The following EPHA6 variants were observed in gnomAD, a reference collection of about 807,000 sequenced individuals.
EPHA6 encodes the protein EPH receptor A6.
Under a neutral mutation model 112.0 loss-of-function variants are expected in EPHA6, and 50 were observed. That is an observed-to-expected ratio of 0.45 (90% CI 0.36 to 0.56). The LOEUF (loss-of-function observed/expected upper bound fraction) is 0.56, where lower values mean the gene tolerates loss of function less well. EPHA6 is among the 20% of genes least tolerant of loss of function. The pLI is 0.00. For missense variants in EPHA6, 1,280 were observed against 1,417.4 expected (o/e 0.90, Z 1.56); for synonymous variants, 529 against 490.7 (o/e 1.08, Z -1.03).
At chr3:96,966,922 G>C (rs539416556) in intron 2 of EPHA6, among the ~76,000 whole-genome samples, 31 of 151,932 alleles carry the variant, frequency 2.0e-4, no homozygotes, top group South Asian at 6.2e-4. Context: ...GACTTCTAAC[G>C]TAAGCTTCTT....
At chr3:97,281,232 C>T (rs557383991) in intron 5 of EPHA6, among the ~76,000 whole-genome samples, 9,592 of 149,072 alleles carry the variant, frequency 0.064, 968 homozygotes, top group African/African-American at 0.22. Context: ...TGTGTGTGCG[C>T]GCGTGTGTGC....
At chr3:97,441,279 AG>A (rs1170114447) in intron 6 of EPHA6, 1 of 157,832 alleles carries the variant, frequency 6.3e-6, no homozygotes, top group Non-Finnish European at 1.4e-5. Context: ...GTTAACAGGA[AG>A]GGTTTATCTT....
intron 10 of EPHA6, among the ~76,000 whole-genome samples, chr3:97,509,952 A>T (rs1168247878): frequency 6.6e-6 from 1 of 151,952 alleles, no homozygotes; most frequent in Non-Finnish European, 1.5e-5. Context: ...TTAATCTCTG[A>T]TATCTTTTCT....
At chr3:97,742,351 T>C (rs1023048758) in intron 16 of EPHA6, among the ~76,000 whole-genome samples, 1 of 152,130 alleles carries the variant, frequency 6.6e-6, no homozygotes, top group African/African-American at 2.4e-5. Context: ...TCTATTACTC[T>C]GGCCGTAGGA....
intron 2 of EPHA6, among the ~76,000 whole-genome samples, chr3:96,873,744 G>T (rs1487816873): frequency 1.3e-5 from 2 of 152,110 alleles, no homozygotes; most frequent in Non-Finnish European, 2.9e-5. Context: ...AGCAGTAGAT[G>T]ATGAAACTCC....
At chr3:97,732,575 T>C (rs2035084333) in intron 15 of EPHA6, among the ~76,000 whole-genome samples, 1 of 152,114 alleles carries the variant, frequency 6.6e-6, no homozygotes, top group Non-Finnish European at 1.5e-5. Context: ...ATATATCTTT[T>C]AAGCAATTTT....
At chr3:97,455,106 G>A (rs899870966) in intron 7 of EPHA6, among the ~76,000 whole-genome samples, 4 of 151,920 alleles carry the variant, frequency 2.6e-5, no homozygotes, top group Non-Finnish European at 5.9e-5. Flanking sequence ...ATAAGGTAGC[G>A]AAGGCCCCTC....
At chr3:97,440,362 A>AT (rs1163860913) in intron 6 of EPHA6, among the ~76,000 whole-genome samples, 2 of 152,034 alleles carry the variant, frequency 1.3e-5, no homozygotes, top group Non-Finnish European at 2.9e-5. Flanking sequence ...CTAATGAAGA[A>AT]TTTTCTAAAG....
intron 4 of EPHA6, among the ~76,000 whole-genome samples, chr3:97,241,476 A>T (rs2078843536): frequency 6.6e-6 from 1 of 151,764 alleles, no homozygotes; most frequent in African/African-American, 2.4e-5. Flanking sequence ...AATGTGTCAC[A>T]TAATGTTTAT....
At chr3:97,292,875 G>T (rs189457220) in intron 5 of EPHA6, among the ~76,000 whole-genome samples, 2 of 150,658 alleles carry the variant, frequency 1.3e-5, no homozygotes, top group Admixed American at 1.3e-4. Context: ...CCTCAGGCAG[G>T]TCATCTCAGT....
chr3:97,338,562 C>A (rs2083163456), intron 5 of EPHA6, among the ~76,000 whole-genome samples: 1 of 152,138 alleles, frequency 6.6e-6, no homozygotes, highest in South Asian at 2.1e-4. Flanking sequence ...CTGTAAATCT[C>A]AGAAACTAAG....
At chr3:97,187,427 G>T (rs992114294) in intron 3 of EPHA6, among the ~76,000 whole-genome samples, 1 of 151,572 alleles carries the variant, frequency 6.6e-6, no homozygotes, top group African/African-American at 2.4e-5. Flanking sequence ...AAAATTAGCT[G>T]GGCATGGTGG....
At chr3:97,216,462 C>G (rs2078037352) in intron 3 of EPHA6, among the ~76,000 whole-genome samples, 1 of 152,192 alleles carries the variant, frequency 6.6e-6, no homozygotes, top group Non-Finnish European at 1.5e-5. Context: ...CAAACCACAT[C>G]AATGTCAACA....
chr3:97,172,786 G>A (rs567364977), intron 3 of EPHA6, among the ~76,000 whole-genome samples: 4 of 152,040 alleles, frequency 2.6e-5, no homozygotes, highest in Admixed American at 2.6e-4. Context: ...CAACTGGCTT[G>A]CTTTGAATAA....
At chr3:97,150,054 T>G (rs1283223423) in intron 3 of EPHA6, among the ~76,000 whole-genome samples, 2 of 152,002 alleles carry the variant, frequency 1.3e-5, no homozygotes, top group African/African-American at 4.8e-5. Context: ...CAACATTTCC[T>G]TCCTAAGTTA....
intron 12 of EPHA6, among the ~76,000 whole-genome samples, chr3:97,607,284 G>A (rs1261369593): frequency 6.7e-6 from 1 of 150,132 alleles, no homozygotes; most frequent in East Asian, 1.9e-4. Flanking sequence ...TTTAACAACA[G>A]CATGAGAAAA....
intron 3 of EPHA6, among the ~76,000 whole-genome samples, chr3:97,013,715 A>C (rs1348873060): frequency 6.6e-6 from 1 of 152,200 alleles, no homozygotes; most frequent in East Asian, 1.9e-4. Flanking sequence ...ATTTTCCCAA[A>C]ATTGATAATC....
At chr3:97,131,380 A>G (rs1306912330) in intron 3 of EPHA6, among the ~76,000 whole-genome samples, 1 of 152,152 alleles carries the variant, frequency 6.6e-6, no homozygotes, top group African/African-American at 2.4e-5. Flanking sequence ...GGAACAGATC[A>G]AGGTGTACTT....
intron 6 of EPHA6, among the ~76,000 whole-genome samples, chr3:97,413,672 A>G (rs2087898295): frequency 1.3e-5 from 2 of 152,050 alleles, no homozygotes; most frequent in African/African-American, 4.8e-5. Context: ...TGCATGGCTC[A>G]GTTCCCAAGC....
Sources: gnomAD v4.1 joint callset for allele counts (sites outside exome capture counted in the v4.1 genomes callset) on GRCh38, gnomAD v4.1.1 for gene constraint, MANE v1.5 for transcripts, NCBI Gene and HGNC (gene_info 2026-07-23, HGNC 2026-07-21) for gene names.